PITPNC1: variants seen among roughly 807,000 people sequenced by gnomAD.
PITPNC1 encodes phosphatidylinositol transfer protein cytoplasmic 1.
Under a neutral mutation model 44.7 loss-of-function variants are expected in PITPNC1, and 18 were observed. The observed-to-expected ratio is 0.40, with a 90% CI of 0.28 to 0.60. The LOEUF (loss-of-function observed/expected upper bound fraction) is 0.60, where lower values mean the gene tolerates loss of function less well. Ranked by LOEUF, PITPNC1 falls within the 20% of genes least tolerant of loss-of-function variation. The pLI is 0.39. For missense variants in PITPNC1, 290 were observed against 418.4 expected (o/e 0.69, Z 2.68); for synonymous variants, 141 against 149.6 (o/e 0.94, Z 0.42).
intron 4 of PITPNC1, among the ~76,000 whole-genome samples, chr17:67,566,389 A>G (rs1204818363): frequency 6.6e-6 from 1 of 152,104 alleles, no homozygotes; most frequent in Non-Finnish European, 1.5e-5. Context: ...TTTTTAGTAG[A>G]GACAGGGTTT....
chr17:67,407,184 C>G (rs556500412), intron 1 of PITPNC1, among the ~76,000 whole-genome samples: 109 of 152,268 alleles, frequency 7.2e-4, no homozygotes, highest in Admixed American at 1.6e-3. Context: ...TACTTTCTGT[C>G]TTTTTGGTCC....
At chr17:67,540,138 C>T (rs954558052) in intron 2 of PITPNC1, among the ~76,000 whole-genome samples, 1 of 151,360 alleles carries the variant, frequency 6.6e-6, no homozygotes, top group Admixed American at 6.6e-5. Context: ...GAGTCTTGCT[C>T]TGTCACCCAG....
chr17:67,690,824 G>A (rs760574783), intron 8 of PITPNC1, among the ~76,000 whole-genome samples: 11 of 152,204 alleles, frequency 7.2e-5, no homozygotes, highest in Non-Finnish European at 1.6e-4. Flanking sequence ...CAGTAATAAG[G>A]CTGGGCACGG....
At chr17:67,428,933 C>T (rs1049436030) in intron 1 of PITPNC1, among the ~76,000 whole-genome samples, 6 of 149,426 alleles carry the variant, frequency 4.0e-5, no homozygotes, top group South Asian at 2.1e-4. Context: ...CTCTGCCTCC[C>T]GGGTTCAAGC....
At chr17:67,610,923 A>G (rs1166418649) in intron 5 of PITPNC1, among the ~76,000 whole-genome samples, 2 of 151,148 alleles carry the variant, frequency 1.3e-5, no homozygotes, top group Non-Finnish European at 3.0e-5. Context: ...CTGTCTCAAA[A>G]AAAAAAAAAA....
chr17:67,510,602 A>T (rs1248904298), intron 1 of PITPNC1, among the ~76,000 whole-genome samples: 1 of 151,662 alleles, frequency 6.6e-6, no homozygotes, highest in African/African-American at 2.4e-5. Flanking sequence ...GCGCCTGGCC[A>T]TTTTTTTTCT....
intron 5 of PITPNC1, among the ~76,000 whole-genome samples, chr17:67,624,214 C>CTTTTTT (rs71139163): frequency 5.0e-4 from 64 of 127,038 alleles, no homozygotes; most frequent in Non-Finnish European, 6.4e-4. Context: ...TCTTTCTTTT[C>CTTTTTT]TTTTTTTTTT....
chr17:67,447,089 CAA>C (rs749024248), intron 1 of PITPNC1, among the ~76,000 whole-genome samples: 2,067 of 35,020 alleles, frequency 0.059, 19 homozygotes, highest in African/African-American at 0.19. Context: ...GACTCTGTCT[CAA>C]AAAAAAAAAA....
At chr17:67,497,781 G>A (rs1236974746) in intron 1 of PITPNC1, among the ~76,000 whole-genome samples, 1 of 151,384 alleles carries the variant, frequency 6.6e-6, no homozygotes, top group African/African-American at 2.4e-5. Flanking sequence ...GCCTGCCTCG[G>A]CCTCCCAAAG....
intron 6 of PITPNC1, among the ~76,000 whole-genome samples, chr17:67,661,951 C>T (rs916566176): frequency 2.7e-5 from 4 of 150,310 alleles, no homozygotes; most frequent in South Asian, 2.1e-4. Flanking sequence ...GCCAAGATCA[C>T]GCCACTGCAC....
chr17:67,675,559 AAAATAACTTGTAGAAC>A lies in PITPNC1; in HGVS notation c.682+20_682+35del. ...AGTGGTATGGTAAGTCAATTTCTCCAAAATAACTTGTAGAACAACTTCATGTTGTCTCGGGCTTTCT... is the reference window on the plus strand; with the variant it reads ...AGTGGTATGGTAAGTCAATTTCTCCAAACTTCATGTTGTCTCGGGCTTTCT... On this transcript the variant is annotated intron_variant, in intron 8 of 8. Coordinates refer to ENST00000581322, the MANE Select transcript of PITPNC1 (RefSeq NM_012417.4). 6.4e-7 allele frequency: 1 copy of A among 1,551,068 alleles called. No individual in the cohort carries two copies. Among genetic ancestry groups the A allele is most frequent in the African/African-American group, 1.4e-5 (1 of 73,744 alleles).
intron 1 of PITPNC1, among the ~76,000 whole-genome samples, chr17:67,501,767 A>T (rs912225370): frequency 1.3e-5 from 2 of 151,998 alleles, no homozygotes; most frequent in Non-Finnish European, 2.9e-5. Context: ...TGGGAGGTGG[A>T]GGTTGCAGTG....
intron 5 of PITPNC1, among the ~76,000 whole-genome samples, chr17:67,608,082 TTACG>T (rs1452835085): frequency 6.6e-6 from 1 of 152,128 alleles, no homozygotes. Flanking sequence ...GGGCTTTCCC[TTACG>T]TAACCATCGT....
intron 1 of PITPNC1, among the ~76,000 whole-genome samples, chr17:67,406,926 A>C (rs2038409944): frequency 6.6e-6 from 1 of 152,236 alleles, no homozygotes; most frequent in East Asian, 1.9e-4. Context: ...ATATACATAT[A>C]TATTTCGGAC....
At chr17:67,430,921 C>G (rs954944086) in intron 1 of PITPNC1, among the ~76,000 whole-genome samples, 1 of 152,114 alleles carries the variant, frequency 6.6e-6, no homozygotes, top group Non-Finnish European at 1.5e-5. Flanking sequence ...TGCACTCCAG[C>G]CTGTGTGACA....
rs71139168 is a variant in PITPNC1 at position 67,667,490 on chromosome 17, C to CAAA, written c.463-2002_463-2000dup. 1.3e-4 allele frequency among the ~76,000 whole-genome samples: 14 copies of CAAA among 107,662 alleles called. 2 individuals carry two copies. In the East Asian group the frequency reaches 1.3e-3, roughly 10 times the overall value. 70.6% of individuals were successfully genotyped at this position (107,662 alleles called of 152,430 possible). ...GCCGCAGTGAGCCATGATCCTTTCT[C>CAAA]AAAAAAAAAAAAAAAAAAGTACTGA... On this transcript the variant is annotated intron_variant, in intron 6 of 8. Transcript: ENST00000581322.
chr17:67,575,851 TTTCTTTCC>T (rs2041138593), intron 4 of PITPNC1, among the ~76,000 whole-genome samples: 1 of 90,214 alleles, frequency 1.1e-5, no homozygotes, highest in Non-Finnish European at 2.1e-5. Context: ...TCTTTCTTTC[TTTCTTTCC>T]TTCCTTCTTT....
chr17:67,391,060 C>CGTGTGTGTGTGTGTGTGTGTGTGTGT (rs80236076), intron 1 of PITPNC1, among the ~76,000 whole-genome samples: 3 of 146,900 alleles, frequency 2.0e-5, no homozygotes, highest in African/African-American at 7.6e-5. Flanking sequence ...ACTTTTTTAG[C>CGTGTGTGTGTGTGTGTGTGTGTGTGT]GTGTGTGTGT....
At chr17:67,594,815 C>T (rs2041439430) in intron 5 of PITPNC1, among the ~76,000 whole-genome samples, 1 of 152,214 alleles carries the variant, frequency 6.6e-6, no homozygotes, top group South Asian at 2.1e-4. Context: ...TGTTACTTCA[C>T]TTCCGTGTGC....
Sources: gnomAD v4.1 joint callset for allele counts (sites outside exome capture counted in the v4.1 genomes callset) on GRCh38, gnomAD v4.1.1 for gene constraint, MANE v1.5 for transcripts, NCBI Gene and HGNC (gene_info 2026-07-23, HGNC 2026-07-21) for gene names.